The following DDX6 variants were observed in gnomAD, a reference collection of about 807,000 sequenced individuals.
The protein encoded by DDX6 is DEAD-box helicase 6.
A neutral mutation model predicts 60.6 loss-of-function variants in DDX6; 7 were observed. The observed-to-expected ratio is 0.12, with a 90% confidence interval of 0.07 to 0.22. DDX6 has a LOEUF of 0.22. Ranked by LOEUF, DDX6 falls within the 10% of genes least tolerant of loss-of-function variation. The pLI, the probability that DDX6 is intolerant of heterozygous loss-of-function variation, is 1.00. For synonymous variants in DDX6, 207 were observed against 201.0 expected (o/e 1.03, Z -0.25); for missense variants, 270 against 589.9 (o/e 0.46, Z 5.62).
intron 4 of DDX6, among the ~76,000 whole-genome samples, chr11:118,771,447 C>T (rs1861532473): frequency 6.6e-6 from 1 of 152,154 alleles, no homozygotes; most frequent in Admixed American, 6.5e-5. Context: ...TTAAGACACC[C>T]TGATATTTTG....
intron 5 of DDX6, 172 bp downstream of exon 5, chr11:118,768,051 A>G (rs1861414487): frequency 1.7e-6 from 1 of 605,830 alleles, no homozygotes; most frequent in South Asian, 2.5e-5. Context: ...AAAGCTGGGA[A>G]TCATTTTTAA....
chr11:118,775,153 A>G (rs1861656252), intron 4 of DDX6, among the ~76,000 whole-genome samples: 1 of 152,162 alleles, frequency 6.6e-6, no homozygotes, highest in African/African-American at 2.4e-5. Context: ...CGTCTCCACC[A>G]GAAATACAAA....
intron 4 of DDX6, among the ~76,000 whole-genome samples, chr11:118,778,043 G>GA (rs1405022543): frequency 1.3e-5 from 2 of 151,248 alleles, no homozygotes; most frequent in South Asian, 2.1e-4. Flanking sequence ...GAAAAAAATT[G>GA]AAAAAAATGG....
At chr11:118,754,412 AAAAC>A (rs782738662) in intron 13 of DDX6, among the ~76,000 whole-genome samples, 25 of 152,364 alleles carry the variant, frequency 1.6e-4, no homozygotes, top group Non-Finnish European at 5.9e-5. Flanking sequence ...CTCAAAAAGA[AAAAC>A]AAATTGCTGA....
chr11:118,770,945 G>C (rs1555162416), intron 4 of DDX6, among the ~76,000 whole-genome samples: 1 of 151,714 alleles, frequency 6.6e-6, no homozygotes, highest in South Asian at 2.1e-4. Flanking sequence ...CTTACAGCCA[G>C]CATTAAAGAC....
chr11:118,760,915 G>A (rs562203954), intron 7 of DDX6, among the ~76,000 whole-genome samples: 4 of 151,760 alleles, frequency 2.6e-5, no homozygotes, highest in Non-Finnish European at 4.4e-5. Context: ...CCAGGCGGGC[G>A]GATCACCTGA....
At chr11:118,758,676 G>C in intron 9 of DDX6, 98 bp downstream of exon 9, 6 of 1,434,136 alleles carry the variant, frequency 4.2e-6, no homozygotes, top group Non-Finnish European at 5.6e-6. Flanking sequence ...GAAACACTAC[G>C]AACTTTTATA....
At chr11:118,766,356 C>T (rs1285292062) in intron 5 of DDX6, among the ~76,000 whole-genome samples, 4 of 152,078 alleles carry the variant, frequency 2.6e-5, no homozygotes, top group Non-Finnish European at 5.9e-5. Flanking sequence ...ATCACATCAG[C>T]CTGGGAGATT....
At chr11:118,788,911 C>A (rs1421424121) in intron 1 of DDX6, 4 of 151,962 alleles carry the variant, frequency 2.6e-5, no homozygotes, top group Non-Finnish European at 5.9e-5. Flanking sequence ...GGACTCCTAA[C>A]CTCAAATGAT....
At position 118,749,172 on chromosome 11, in the gene DDX6, G is replaced by C. The variant is rs146893487; in HGVS notation, c.*2933C>G. 324 of 152,048 alleles carry C rather than the reference G, an allele frequency of 2.1e-3. No individual in the cohort carries two copies. Among genetic ancestry groups the C allele is most frequent in the African/African-American group, 7.6e-3 (313 of 41,454 alleles). 9.4% of individuals were successfully genotyped at this position (152,048 alleles called of 1,614,324 possible). A position where few individuals can be genotyped will look rare whatever the true frequency, so the allele number is the denominator to read the frequency against. ...ACAGTCCATAGCCCATTACACAACT[G>C]TACAACCAAAGGCTAAATGATGAGT... On this transcript the variant is annotated 3_prime_UTR_variant, in exon 14 of 14. Coordinates refer to ENST00000534980, the MANE Select transcript of DDX6 (RefSeq NM_004397.6).
chr11:118,761,889 A>G (rs1473084288), intron 7 of DDX6, among the ~76,000 whole-genome samples: 7 of 151,206 alleles, frequency 4.6e-5, no homozygotes, highest in African/African-American at 1.7e-4. Flanking sequence ...CAAACCATGT[A>G]AAGCACTTAG....
rs981816319 is a variant in DDX6 at position 118,764,632 on chromosome 11, G to A, written c.646+577C>T. On this transcript the variant is annotated intron_variant, in intron 6 of 13. Coordinates refer to ENST00000534980, the MANE Select transcript of DDX6 (RefSeq NM_004397.6). ...ATCCTGGCTAATACGGTGAAACCCC[G>A]TCTCTACTAAAAACACAAAAATTTA... 5.3e-5 allele frequency among the ~76,000 whole-genome samples: 8 copies of A among 152,038 alleles called. No homozygotes were observed. In the East Asian group the frequency reaches 5.8e-4, roughly 11 times the overall value.
intron 1 of DDX6, chr11:118,790,275 T>A (rs1862226014): frequency 6.6e-6 from 1 of 151,930 alleles, no homozygotes; most frequent in African/African-American, 2.4e-5. Context: ...CACACACACT[T>A]CTGACCATAA....
intron 8 of DDX6, 196 bp from the exon 9 acceptor site, chr11:118,759,098 C>T (rs560948383): frequency 8.1e-5 from 51 of 629,320 alleles, no homozygotes; most frequent in African/African-American, 6.4e-4. Context: ...CTTGCTCTGT[C>T]ACCCAGGCTG....
chr11:118,759,765 C>T (rs1429924868), intron 8 of DDX6, among the ~76,000 whole-genome samples, 157 bp downstream of exon 8: 1 of 152,054 alleles, frequency 6.6e-6, no homozygotes, highest in East Asian at 1.9e-4. Context: ...AGTTAATTTA[C>T]GTAAAACAAA....
chr11:118,757,968 A>G (rs1861035542), intron 9 of DDX6, among the ~76,000 whole-genome samples: 1 of 152,200 alleles, frequency 6.6e-6, no homozygotes, highest in Non-Finnish European at 1.5e-5. Context: ...GTAGGGGCCA[A>G]TTAAAACTGT....
At chr11:118,764,817 A>ATACACACACACACACAC (rs553618618) in intron 6 of DDX6, among the ~76,000 whole-genome samples, 1 of 20,364 alleles carries the variant, frequency 4.9e-5, no homozygotes, top group African/African-American at 1.5e-4. Context: ...AAAAAAAAAA[A>ATACACACACACACACAC]ATATACACAC....
intron 4 of DDX6, among the ~76,000 whole-genome samples, chr11:118,770,922 C>T (rs1861515432): frequency 1.3e-5 from 2 of 151,432 alleles, no homozygotes; most frequent in East Asian, 1.9e-4. Context: ...AAAGAAAATA[C>T]TGTTGTCTTG....
chr11:118,749,997 G>T lies in DDX6; in HGVS notation c.*2108C>A, dbSNP rs535566213. 1.3e-5 allele frequency: 2 copies of T among 152,698 alleles called. No homozygotes were observed. The highest frequency in any genetic ancestry group is 2.1e-4 in the South Asian group (1 of 4,822). The allele number at this position is 152,698 out of a possible 1,614,324, so 9.5% of individuals were successfully genotyped here. A position where few individuals can be genotyped will look rare whatever the true frequency, so the allele number is the denominator to read the frequency against. ...CATCAGGAGGCATCTGTAGGATTTT[G>T]ATCTCCAAGGAATTGTGGGTGAGTC... On this transcript the variant is annotated 3_prime_UTR_variant, in exon 14 of 14. Coordinates refer to ENST00000534980, the MANE Select transcript of DDX6 (RefSeq NM_004397.6).
Sources: gnomAD v4.1 joint callset for allele counts (sites outside exome capture counted in the v4.1 genomes callset) on GRCh38, gnomAD v4.1.1 for gene constraint, MANE v1.5 for transcripts, NCBI Gene and HGNC (gene_info 2026-07-23, HGNC 2026-07-21) for gene names.